The following PYCR1 variants were observed in gnomAD, a reference collection of about 807,000 sequenced individuals.
PYCR1 encodes pyrroline-5-carboxylate reductase 1, mitochondrial.
In PYCR1, 19 loss-of-function variants were observed where a neutral mutation model predicts 22.9. That is an observed-to-expected ratio of 0.83 (90% CI 0.58 to 1.22). The LOEUF (loss-of-function observed/expected upper bound fraction) is 1.22. Ranked by LOEUF, PYCR1 falls within the 50% of genes most tolerant of loss-of-function variation. The pLI is 0.00. For synonymous variants in PYCR1, 175 were observed against 180.5 expected (o/e 0.97, Z 0.24); for missense variants, 429 against 431.3 (o/e 0.99, Z 0.05).
chr17:81,933,334 G>A lies in PYCR1; in HGVS notation c.840C>T (p.Ala280=), dbSNP rs150368748. ...TGTCCAGGATGGTCTTCTTGATGGCGGCTGGTGACACCTGCTCCTGGTCAG... is the reference window on the plus strand; with the variant it reads ...TGTCCAGGATGGTCTTCTTGATGGCAGCTGGTGACACCTGCTCCTGGTCAG... ...SMADQEQVSP[A]AIKKTILDKV... The change falls in exon 7 of 7, where the codon GCC becomes GCT. Residue 280 remains alanine (A), a synonymous_variant. Coordinates refer to ENST00000329875, the MANE Select transcript of PYCR1 (RefSeq NM_006907.4). 2.8e-5 allele frequency: 45 copies of A among 1,613,806 alleles called. No individual in the cohort carries two copies. The highest frequency in any genetic ancestry group is 1.6e-4 in the Middle Eastern group (1 of 6,082).
intron 4 of PYCR1, 75 bp downstream of exon 4, chr17:81,934,851 A>C: frequency 6.4e-7 from 1 of 1,568,038 alleles, no homozygotes; most frequent in South Asian, 1.1e-5. Flanking sequence ...TGGCCCTCCC[A>C]GGGGGAGCAG....
At chr17:81,936,682 C>CCT in intron 1 of PYCR1, 66 bp downstream of exon 1, 1 of 1,523,218 alleles carries the variant, frequency 6.6e-7, no homozygotes. Flanking sequence ...AGCCCCCAGC[C>CCT]CTGCAGAAGT....
Position 81,937,151 on chromosome 17 carries a change from G to T in PYCR1, c.-337C>A. The T allele has an allele frequency of 7.0e-7, 1 of 1,435,794 alleles. No individual in the cohort carries two copies. The highest frequency in any genetic ancestry group is 1.5e-5 in the South Asian group (1 of 68,310). 88.9% of individuals were successfully genotyped at this position (1,435,794 alleles called of 1,614,324 possible). A position where few individuals can be genotyped will look rare whatever the true frequency, so the allele number is the denominator to read the frequency against. ...CCGGCGCCTAGGGGTCCCCCGTCTG[G>T]GTTCCCACCCCGCCCAGAACTGGGC... On this transcript the variant is annotated 5_prime_UTR_variant, in exon 1 of 7. Coordinates refer to ENST00000329875, the MANE Select transcript of PYCR1 (RefSeq NM_006907.4).
chr17:81,934,887 G>C (rs770987001), intron 4 of PYCR1, 39 bp downstream of exon 4: 1 of 1,603,816 alleles, frequency 6.2e-7, no homozygotes, highest in Non-Finnish European at 8.5e-7. Flanking sequence ...GTGGTCCCGG[G>C]AAGTGCCCGC....
chr17:81,932,973 T>C lies in PYCR1; in HGVS notation c.*241A>G, dbSNP rs1329117457. On this transcript the variant is annotated 3_prime_UTR_variant, in exon 7 of 7. Transcript: ENST00000329875. ...CTAGAGGAAGGTGGTCCTGACATGG[T>C]TTGGGAGCAGAGAAGAAAGGAGGTT... 1 of 1,609,380 alleles carries C rather than the reference T, an allele frequency of 6.2e-7. No individual in the cohort carries two copies.
In PYCR1 at chr17:81,936,750, G is replaced by A. The variant is rs373386140; in HGVS notation, c.65C>T (p.Ala22Val). 3 of 1,607,602 alleles carry A rather than the reference G, an allele frequency of 1.9e-6. No individual in the cohort carries two copies. The African/African-American group carries it at 4.0e-5, about 21-fold the overall frequency. ...CCGTCCCCCACCTGGGGGCCTACCT[G>A]CTGCTGTGAAGCCCTTGGCCAGGGC... ...AFALAKGFTA[A>V]GVLAAHKIMA... is the part of the protein sequence containing the mutation. The change falls in exon 1 of 7, where the codon GCA becomes GTA. Residue 22 changes from alanine (A) to valine (V), a missense_variant and splice_region_variant. Ala to Val is a moderately conservative substitution (Grantham distance 64, BLOSUM62 0). Transcript: ENST00000329875.
At position 81,933,303 on chromosome 17, in the gene PYCR1, T is replaced by A; in HGVS notation, c.871A>T (p.Lys291Ter). ...GCGGTCCCTGCAGGGGAGTCCAGCT[T>A]CACCTTGTCCAGGATGGTCTTCTTG... ...AIKKTILDKV[K>*]LDSPAGTALS... The change falls in exon 7 of 7, where the codon AAG becomes TAG. Residue 291 changes from lysine to a stop codon, truncating the protein, a stop_gained. Coordinates refer to ENST00000329875, the MANE Select transcript of PYCR1 (RefSeq NM_006907.4). LOFTEE classifies it low-confidence loss of function (END_TRUNC). The A allele has an allele frequency of 2.5e-6, 4 of 1,614,022 alleles. No homozygotes were observed. Among genetic ancestry groups the A allele is most frequent in the Non-Finnish European group, 3.4e-6 (4 of 1,179,986 alleles).
At chr17:81,935,316 C>A (rs1157274750) in intron 3 of PYCR1, 21 bp downstream of exon 3, 1 of 1,610,876 alleles carries the variant, frequency 6.2e-7, no homozygotes, top group Non-Finnish European at 8.5e-7. Flanking sequence ...TCTCCACACC[C>A]CACTGGGCCT....
In PYCR1 at chr17:81,933,232, G is replaced by T. The variant is rs1481807412; in HGVS notation, c.942C>A (p.Ala314=). 1 of 1,613,886 alleles carries T rather than the reference G, an allele frequency of 6.2e-7. No individual in the cohort carries two copies. The highest frequency in any genetic ancestry group is 8.5e-7 in the Non-Finnish European group (1 of 1,180,016). The change falls in exon 7 of 7, where the codon GCC becomes GCA. Residue 314 remains alanine (A), a synonymous_variant. Transcript: ENST00000329875. ...GHTKLLPRSL[A]PAGKD ...GGACGTGTCAATCCTTGCCCGCTGGGGCCAGGCTGCGGGGGAGCAGCTTGG... is the reference window on the plus strand; with the variant it reads ...GGACGTGTCAATCCTTGCCCGCTGGTGCCAGGCTGCGGGGGAGCAGCTTGG...
chr17:81,933,521 C>T (rs529106060), intron 6 of PYCR1, 145 bp from the exon 7 acceptor site: 34 of 985,638 alleles, frequency 3.4e-5, no homozygotes, highest in East Asian at 1.6e-4. Flanking sequence ...GCCAGCGACA[C>T]GCCCCCACAC....
In PYCR1 at chr17:81,932,862, G is replaced by T; in HGVS notation, c.*352C>A. The T allele has an allele frequency of 2.5e-6, 4 of 1,602,874 alleles. No individual in the cohort carries two copies. Among genetic ancestry groups the T allele is most frequent in the Non-Finnish European group, 1.7e-6 (2 of 1,175,474 alleles). On this transcript the variant is annotated 3_prime_UTR_variant, in exon 7 of 7. Transcript: ENST00000329875. ...ACCTCTGCTGAGCCTTCACAGAGGG[G>T]GTCCTTGACCTTTGCTCTCAGGAAG...
intron 3 of PYCR1, 50 bp from the exon 4 acceptor site, chr17:81,935,197 T>G (rs200518485): frequency 4.1e-5 from 64 of 1,570,464 alleles, no homozygotes; most frequent in Admixed American, 8.7e-5. Context: ...AGTGCCTAGA[T>G]GCACTCACCC....
At chr17:81,933,961 G>T (rs1370587872) in intron 6 of PYCR1, among the ~76,000 whole-genome samples, 1 of 152,214 alleles carries the variant, frequency 6.6e-6, no homozygotes, top group East Asian at 1.9e-4. Flanking sequence ...ATCCCACAGC[G>T]AGGGCAGGAG....
At chr17:81,933,483 C>T in intron 6 of PYCR1, 107 bp from the exon 7 acceptor site, 1 of 1,358,128 alleles carries the variant, frequency 7.4e-7, no homozygotes, top group Non-Finnish European at 1.0e-6. Context: ...ATGCTGTCAC[C>T]CTCACCTCAG....
At chr17:81,933,642 C>T (rs1299353128) in intron 6 of PYCR1, among the ~76,000 whole-genome samples, 1 of 152,240 alleles carries the variant, frequency 6.6e-6, no homozygotes, top group African/African-American at 2.4e-5. Flanking sequence ...TGTGGGTTTA[C>T]ACCTGTCTCC....
At chr17:81,933,937 A>G (rs1105627) in intron 6 of PYCR1, among the ~76,000 whole-genome samples, 3,188 of 152,218 alleles carry the variant, frequency 0.021, 104 homozygotes, top group African/African-American at 0.072. Flanking sequence ...TGCGTGTCCT[A>G]CTGGTCTAAC....
chr17:81,936,825 G>A lies in PYCR1; in HGVS notation c.-11C>T, dbSNP rs769954957. On this transcript the variant is annotated 5_prime_UTR_variant, in exon 1 of 7. Transcript: ENST00000329875. ...GAAGCCCACGCTCATGCTGTCCGGA[G>A]ACCCCTGGCCCAAAGCCCCCACAGA... The A allele has an allele frequency of 1.8e-5, 29 of 1,605,458 alleles. No individual in the cohort carries two copies. The highest frequency in any genetic ancestry group is 2.7e-5 in the African/African-American group (2 of 74,868).
Position 81,937,243 on chromosome 17 carries a change from G to A in PYCR1, c.-429C>T. 8 of 1,408,736 alleles carry A rather than the reference G, an allele frequency of 5.7e-6. No homozygotes were observed. In the South Asian group the frequency reaches 1.1e-4, roughly 19 times the overall value. 87.3% of individuals were successfully genotyped at this position (1,408,736 alleles called of 1,614,324 possible). A position where few individuals can be genotyped will look rare whatever the true frequency, so the allele number is the denominator to read the frequency against. On this transcript the variant is annotated 5_prime_UTR_variant, in exon 1 of 7. In the 5' UTR this introduces an upstream ATG that the reference lacks. Coordinates refer to ENST00000329875, the MANE Select transcript of PYCR1 (RefSeq NM_006907.4). ...GGAGCCCGACCCCAACCCAGCTACC[G>A]TGCGCGGGTCGTACCCACCCCTCAG...
At chr17:81,935,262 A>G in intron 3 of PYCR1, 75 bp downstream of exon 3, 2 of 1,593,624 alleles carry the variant, frequency 1.3e-6, no homozygotes, top group Middle Eastern at 2.2e-4. Flanking sequence ...ACCCTTTTGC[A>G]GATGAAAACT....
Sources: gnomAD v4.1 joint callset for allele counts (sites outside exome capture counted in the v4.1 genomes callset) on GRCh38, gnomAD v4.1.1 for gene constraint, MANE v1.5 for transcripts, NCBI Gene and HGNC (gene_info 2026-07-23, HGNC 2026-07-21) for gene names.